The following DISP1 variants were observed in gnomAD, a reference collection of about 807,000 sequenced individuals.
The protein encoded by DISP1 is dispatched RND transporter family member 1.
DISP1 carries 30 observed loss-of-function variants against 37.3 expected under a neutral mutation model. The observed-to-expected ratio is 0.80, with a 90% CI of 0.60 to 1.09. The LOEUF (loss-of-function observed/expected upper bound fraction) is 1.09, where lower values mean the gene tolerates loss of function less well. Among genes scored for constraint, DISP1 ranks in the 50% least tolerant of loss-of-function variants. DISP1 has a pLI of 0.00. For missense variants in DISP1, 1,598 were observed against 1,879.5 expected, an observed-to-expected ratio of 0.85 and a Z score of 2.77; for synonymous variants, 634 against 690.2, an observed-to-expected ratio of 0.92 and a Z score of 1.28.
intron 1 of DISP1, among the ~76,000 whole-genome samples, chr1:222,832,375 G>A (rs927604269): frequency 4.6e-5 from 7 of 152,110 alleles, no homozygotes; most frequent in African/African-American, 1.7e-4. Context: ...AAATCATCAA[G>A]TCATTGATTT....
intron 1 of DISP1, among the ~76,000 whole-genome samples, chr1:222,870,053 C>T (rs1669445929): frequency 6.6e-6 from 1 of 151,516 alleles, no homozygotes; most frequent in African/African-American, 2.4e-5. Context: ...GGTTTTTTGT[C>T]CTTGCGATAG....
chr1:222,844,459 G>A (rs1667786200), intron 1 of DISP1, among the ~76,000 whole-genome samples: 2 of 152,094 alleles, frequency 1.3e-5, no homozygotes, highest in Admixed American at 6.5e-5. Flanking sequence ...TCTGCCTTCA[G>A]TTATATAATG....
intron 3 of DISP1, among the ~76,000 whole-genome samples, chr1:222,943,978 C>T (rs111539296): frequency 3.3e-5 from 5 of 151,492 alleles, no homozygotes; most frequent in African/African-American, 1.2e-4. Flanking sequence ...TGTGGTGAGC[C>T]GAGATCACAC....
rs769789077 is a variant in DISP1 at position 222,991,547 on chromosome 1, G to A, written c.691G>A (p.Gly231Ser). The A allele has an allele frequency of 1.9e-6, 3 of 1,613,820 alleles. No homozygotes were observed. Among genetic ancestry groups the A allele is most frequent in the Admixed American group, 3.3e-5 (2 of 60,014 alleles). Residue 231 changes from glycine (G) to serine (S), a missense_variant, in exon 6 of 9, where the codon GGC (glycine) becomes AGC (serine). Gly to Ser is a moderately conservative substitution (Grantham distance 56). Transcript: ENST00000675850. ...LGFEPRGTAI[G>S]QRLVTWNNMV... ...TTTTGAACCAAGAGGAACAGCAATA[G>A]GCCAGAGATTGGTCACATGGAATAA...
At chr1:222,846,359 C>T (rs145797987) in intron 1 of DISP1, among the ~76,000 whole-genome samples, 5,020 of 152,182 alleles carry the variant, frequency 0.033, 257 homozygotes, top group African/African-American at 0.11. Flanking sequence ...GGTGTGGTGG[C>T]GCATGCCTGT....
At chr1:222,961,746 G>A (rs993417279) in intron 3 of DISP1, among the ~76,000 whole-genome samples, 4 of 152,148 alleles carry the variant, frequency 2.6e-5, no homozygotes, top group Admixed American at 6.5e-5. Flanking sequence ...AGTGGCTCAC[G>A]CCTGTAATCC....
At chr1:222,833,529 T>C (rs1200236597) in intron 1 of DISP1, among the ~76,000 whole-genome samples, 3 of 152,198 alleles carry the variant, frequency 2.0e-5, no homozygotes, top group Non-Finnish European at 4.4e-5. Context: ...GTGGAGAATA[T>C]AGGAAATGGG....
chr1:222,937,499 G>A (rs1674039951), intron 2 of DISP1, among the ~76,000 whole-genome samples: 1 of 152,158 alleles, frequency 6.6e-6, no homozygotes, highest in Non-Finnish European at 1.5e-5. Context: ...ACACTCTCGT[G>A]TTATATAGCC....
intron 1 of DISP1, among the ~76,000 whole-genome samples, chr1:222,817,580 G>T (rs762734054): frequency 5.3e-5 from 8 of 152,174 alleles, no homozygotes; most frequent in Non-Finnish European, 7.4e-5. Context: ...GAGGAGCTAC[G>T]AAAGACTGCT....
intron 1 of DISP1, among the ~76,000 whole-genome samples, chr1:222,912,095 A>C (rs980228412): frequency 6.6e-6 from 1 of 152,210 alleles, no homozygotes; most frequent in Non-Finnish European, 1.5e-5. Flanking sequence ...GAATTCCCAG[A>C]AGTACCTTAT....
rs1674917752 is a variant in DISP1, at chr1:222,947,953, A to G, written c.509+4621A>G. ...TTAGAAATAAATTCATTCTAGAGAG[A>G]TTTAGGAGGTGGAATCTACTAGATT... is the stretch of plus-strand genomic sequence containing the variant. On this transcript the variant is annotated intron_variant, in intron 3 of 8. Transcript: ENST00000675850. Among the ~76,000 whole-genome samples the G allele has an allele frequency of 2.6e-5, 4 of 152,238 alleles. No homozygotes were observed. In the South Asian group the frequency reaches 8.3e-4, roughly 32 times the overall value.
chr1:222,836,717 T>C (rs1330232895), intron 1 of DISP1, among the ~76,000 whole-genome samples: 1 of 150,612 alleles, frequency 6.6e-6, no homozygotes, highest in African/African-American at 2.4e-5. Context: ...GTTAGAATCA[T>C]CCAGTTGAGC....
chr1:222,951,767 C>T (rs970279351), intron 3 of DISP1, among the ~76,000 whole-genome samples: 1 of 152,164 alleles, frequency 6.6e-6, no homozygotes, highest in Non-Finnish European at 1.5e-5. Flanking sequence ...TGGTTCCTGA[C>T]TTCAAAGATG....
chr1:222,862,819 C>T (rs1668959769), intron 1 of DISP1, among the ~76,000 whole-genome samples: 1 of 152,144 alleles, frequency 6.6e-6, no homozygotes, highest in Non-Finnish European at 1.5e-5. Context: ...GTGTGAGCCA[C>T]CGTGCTCAGC....
At position 222,838,009 on chromosome 1, in the gene DISP1, C is replaced by T. The variant is rs772590623; in HGVS notation, c.-159+22931C>T. On this transcript the variant is annotated intron_variant, in intron 1 of 8. Transcript: ENST00000675850. Reference sequence around the variant, plus strand: ...CAGAGGCAACTACTTATTATCCTCTCGATAGTTTTTCCTATTATTTCTCAA... The same window carrying T: ...CAGAGGCAACTACTTATTATCCTCTTGATAGTTTTTCCTATTATTTCTCAA... Among the ~76,000 whole-genome samples the T allele has an allele frequency of 6.2e-4, 95 of 152,108 alleles. 1 individual carries two copies. The highest frequency in any genetic ancestry group is 3.5e-3 in the Admixed American group (53 of 15,268).
intron 1 of DISP1, among the ~76,000 whole-genome samples, chr1:222,923,060 T>C (rs1235548898): frequency 1.3e-5 from 2 of 152,158 alleles, no homozygotes; most frequent in Non-Finnish European, 2.9e-5. Context: ...GAGTATTGTC[T>C]GGCAAAGGAA....
intron 1 of DISP1, among the ~76,000 whole-genome samples, chr1:222,864,832 C>T (rs1333273385): frequency 3.3e-5 from 5 of 152,104 alleles, no homozygotes; most frequent in Non-Finnish European, 5.9e-5. Flanking sequence ...AACAAGAATG[C>T]TTGAAGGTAA....
intron 3 of DISP1, among the ~76,000 whole-genome samples, chr1:222,955,599 G>A (rs111320897): frequency 0.024 from 3,599 of 152,222 alleles, 143 homozygotes; most frequent in African/African-American, 0.082. Flanking sequence ...TTTCAGTACC[G>A]TATTTAATAA....
intron 1 of DISP1, among the ~76,000 whole-genome samples, chr1:222,873,513 C>T (rs1269876655): frequency 2.0e-5 from 3 of 152,168 alleles, no homozygotes; most frequent in African/African-American, 7.2e-5. Context: ...GAATTGATCC[C>T]TTTACCATTA....
Sources: allele counts gnomAD v4.1 joint callset (sites outside exome capture counted in the v4.1 genomes callset), GRCh38; gene constraint gnomAD v4.1.1; transcripts MANE v1.5; gene names NCBI Gene and HGNC (gene_info 2026-07-23, HGNC 2026-07-21).